The following MFSD6 variants were observed in gnomAD, a reference collection of about 807,000 sequenced individuals.
MFSD6 encodes the protein major facilitator superfamily domain-containing protein 6.
MFSD6 carries 26 observed loss-of-function variants against 56.3 expected under a neutral mutation model. That is an observed-to-expected ratio of 0.46 (90% CI 0.34 to 0.64). The LOEUF (loss-of-function observed/expected upper bound fraction) is 0.64, where lower values mean the gene tolerates loss of function less well. Ranked by LOEUF, MFSD6 falls within the 30% of genes least tolerant of loss-of-function variation. The pLI, the probability that MFSD6 is intolerant of heterozygous loss-of-function variation, is 0.01. For synonymous variants in MFSD6, 331 were observed against 366.9 expected, an observed-to-expected ratio of 0.90 and a Z score of 1.12; for missense variants, 750 against 986.2, an observed-to-expected ratio of 0.76 and a Z score of 3.21.
chr2:190,441,753 C>A (rs1023505684), intron 3 of MFSD6, among the ~76,000 whole-genome samples: 1 of 152,086 alleles, frequency 6.6e-6, no homozygotes, highest in African/African-American at 2.4e-5. Flanking sequence ...CCTCTGTGAG[C>A]TGCTGCGTCT....
rs565318228 is a variant in MFSD6 at position 190,496,841 on chromosome 2, A to G, written c.1892-598A>G. ...AACCAAACATCGTATATTCTCACTC[A>G]TAAGTGGGAGCTAGGCTATGAGGAT... On this transcript the variant is annotated intron_variant, in intron 6 of 7. Coordinates refer to ENST00000392328, the MANE Select transcript of MFSD6 (RefSeq NM_017694.4). This position sits in a 1 kb window ranked among gnomAD's most constrained non-coding sequence, Gnocchi z 4.7. 4.3e-4 allele frequency among the ~76,000 whole-genome samples: 66 copies of G among 152,360 alleles called. No homozygotes were observed. Among genetic ancestry groups the G allele is most frequent in the Admixed American group, 9.8e-4 (15 of 15,308 alleles).
intron 3 of MFSD6, among the ~76,000 whole-genome samples, chr2:190,440,310 A>AAC (rs1380374947): frequency 6.6e-6 from 1 of 152,196 alleles, no homozygotes; most frequent in Non-Finnish European, 1.5e-5. Context: ...TGTCAGTCTA[A>AAC]ACACACACAC....
Position 190,438,550 on chromosome 2 carries a change from C to G in MFSD6, c.1532+989C>G, listed in dbSNP as rs1157905485. On this transcript the variant is annotated intron_variant, in intron 3 of 7. Coordinates refer to ENST00000392328, the MANE Select transcript of MFSD6 (RefSeq NM_017694.4). The surrounding 1 kb of genome is among the most constrained non-coding windows in gnomAD (Gnocchi z 5.2). ...AACACCCTGTAAGTGCCTAGTGTTT[C>G]TTGTTGTGTACTATTTCTTCTCACC... 6.6e-6 allele frequency among the ~76,000 whole-genome samples: 1 copy of G among 152,192 alleles called. No individual in the cohort carries two copies. Among genetic ancestry groups the G allele is most frequent in the Non-Finnish European group, 1.5e-5 (1 of 68,040 alleles).
intron 4 of MFSD6, chr2:190,477,323 C>A (rs1320137052): frequency 1.0e-6 from 1 of 984,484 alleles, no homozygotes; most frequent in Admixed American, 6.2e-5. Flanking sequence ...CCTGACCTGG[C>A]TTAATTGCTT....
rs760067813 is a variant in MFSD6, at chr2:190,501,045, T to C, written c.*827T>C. On this transcript the variant is annotated 3_prime_UTR_variant, in exon 8 of 8. Coordinates refer to ENST00000392328, the MANE Select transcript of MFSD6 (RefSeq NM_017694.4). ...AAATATATTGATACTGTAAATAGCC[T>C]CTCTCGCTATTTACTATCTTATAGT... 1 of 152,206 alleles carries C rather than the reference T, an allele frequency of 6.6e-6. No homozygotes were observed. Among genetic ancestry groups the C allele is most frequent in the Non-Finnish European group, 1.5e-5 (1 of 68,040 alleles). The allele number at this position is 152,206 out of a possible 1,614,324, so 9.4% of individuals were successfully genotyped here.
chr2:190,463,117 G>A lies in MFSD6; in HGVS notation c.1533-6641G>A, dbSNP rs1337182448. Among the ~76,000 whole-genome samples the A allele has an allele frequency of 6.6e-6, 1 of 152,216 alleles. No homozygotes were observed. Among genetic ancestry groups the A allele is most frequent in the African/African-American group, 2.4e-5 (1 of 41,454 alleles). Reference sequence around the variant, plus strand: ...TACAGCAAAACCCTATTCTGCTAGTGAGGGACACAGAAATCCTGGCAAGAT... The same window carrying A: ...TACAGCAAAACCCTATTCTGCTAGTAAGGGACACAGAAATCCTGGCAAGAT... On this transcript the variant is annotated intron_variant, in intron 3 of 7. Coordinates refer to ENST00000392328, the MANE Select transcript of MFSD6 (RefSeq NM_017694.4). This position sits in a 1 kb window ranked among gnomAD's most constrained non-coding sequence, Gnocchi z 4.4.
chr2:190,444,307 C>G (rs888546351), intron 3 of MFSD6, among the ~76,000 whole-genome samples: 2 of 152,208 alleles, frequency 1.3e-5, no homozygotes, highest in African/African-American at 4.8e-5. Flanking sequence ...TATGAGTATT[C>G]TTGGTCATGG....
Position 190,489,928 on chromosome 2 carries a change from G to GC in MFSD6, c.1891+66dup, listed in dbSNP as rs869132558. ...TTCAGGCCATGGGAAGTCAACAAATGCCCCGAGAAGCCTAGAAGTGGTACA... is the reference window on the plus strand; with the variant it reads ...TTCAGGCCATGGGAAGTCAACAAATGCCCCCGAGAAGCCTAGAAGTGGTACA... On this transcript the variant is annotated intron_variant, in intron 6 of 7. Transcript: ENST00000392328. The surrounding 1 kb of genome is among the most constrained non-coding windows in gnomAD (Gnocchi z 6.6). The GC allele has an allele frequency of 2.3e-6, 3 of 1,319,000 alleles. No individual in the cohort carries two copies. The highest frequency in any genetic ancestry group is 3.0e-6 in the Non-Finnish European group (3 of 984,780). 81.7% of individuals were successfully genotyped at this position (1,319,000 alleles called of 1,614,324 possible). A position where few individuals can be genotyped will look rare whatever the true frequency, so the allele number is the denominator to read the frequency against.
At chr2:190,473,775 C>A (rs1265695095) in intron 4 of MFSD6, among the ~76,000 whole-genome samples, 2 of 152,186 alleles carry the variant, frequency 1.3e-5, no homozygotes. Flanking sequence ...ACATTCTTTT[C>A]AGCACCACAC....
chr2:190,484,054 T>G (rs1247367240), intron 4 of MFSD6, among the ~76,000 whole-genome samples: 1 of 152,118 alleles, frequency 6.6e-6, no homozygotes. Flanking sequence ...GTGGACTACT[T>G]GGTCTCTGAG....
At chr2:190,479,406 C>T (rs6707773) in intron 4 of MFSD6, among the ~76,000 whole-genome samples, 45,316 of 151,994 alleles carry the variant, frequency 0.3, 7,510 homozygotes, top group East Asian at 0.46. Flanking sequence ...AGGGAGTCTA[C>T]GTGCCTAAAA....
chr2:190,488,278 AAAC>A lies in MFSD6; in HGVS notation c.1631-373_1631-371del, dbSNP rs1689132875. On this transcript the variant is annotated intron_variant, in intron 4 of 7. Coordinates refer to ENST00000392328, the MANE Select transcript of MFSD6 (RefSeq NM_017694.4). This position sits in a 1 kb window ranked among gnomAD's most constrained non-coding sequence, Gnocchi z 6.4. ...CAGCATTAATCAAAGTAGCAGAAGG[AAAC>A]AACAAATGTCTATTCACAGATGAAA... Among the ~76,000 whole-genome samples the A allele has an allele frequency of 6.6e-6, 1 of 152,252 alleles. No individual in the cohort carries two copies. Among genetic ancestry groups the A allele is most frequent in the Non-Finnish European group, 1.5e-5 (1 of 68,044 alleles).
Position 190,443,767 on chromosome 2 carries a change from AT to A in MFSD6, c.1532+6208del, listed in dbSNP as rs1397947871. 2.0e-5 allele frequency among the ~76,000 whole-genome samples: 3 copies of A among 152,318 alleles called. No individual in the cohort carries two copies. The highest frequency in any genetic ancestry group is 4.1e-4 in the South Asian group (2 of 4,828). On this transcript the variant is annotated intron_variant, in intron 3 of 7. Coordinates refer to ENST00000392328, the MANE Select transcript of MFSD6 (RefSeq NM_017694.4). This position sits in a 1 kb window ranked among gnomAD's most constrained non-coding sequence, Gnocchi z 4.2. ...ATAAACAAAGGTTGTCTTCTTAAAG[AT>A]TAGTCTAGTCTGGGTGTGGCTCACA...
chr2:190,493,882 T>A (rs1260306479), intron 6 of MFSD6, among the ~76,000 whole-genome samples: 2 of 152,030 alleles, frequency 1.3e-5, no homozygotes, highest in African/African-American at 4.8e-5. Flanking sequence ...AGGGGAAAGG[T>A]CATAGCCTAA....
chr2:190,419,972 A>AACCT (rs1250796531), intron 2 of MFSD6, among the ~76,000 whole-genome samples: 1 of 152,256 alleles, frequency 6.6e-6, no homozygotes, highest in Non-Finnish European at 1.5e-5. Context: ...ATGAACTGCA[A>AACCT]ACCTGCACTA....
At chr2:190,419,522 A>G (rs969291595) in intron 2 of MFSD6, among the ~76,000 whole-genome samples, 4 of 152,328 alleles carry the variant, frequency 2.6e-5, no homozygotes, top group African/African-American at 9.6e-5. Context: ...TCCAGGGACT[A>G]TTTCCTCTCC....
rs1685769285 is a variant in MFSD6, at chr2:190,425,836, T to TCCAA, written c.-53-10141_-53-10140insCCAA. Among the ~76,000 whole-genome samples the TCCAA allele has an allele frequency of 6.6e-6, 1 of 152,210 alleles. No homozygotes were observed. The highest frequency in any genetic ancestry group is 1.5e-5 in the Non-Finnish European group (1 of 68,032). On this transcript the variant is annotated intron_variant, in intron 2 of 7. Coordinates refer to ENST00000392328, the MANE Select transcript of MFSD6 (RefSeq NM_017694.4). The surrounding 1 kb of genome is among the most constrained non-coding windows in gnomAD (Gnocchi z 4.3). ...TTTTTGGACAGTCTTTTTTTCTGGA[T>TCCAA]ATAGCATTCTGCATTGACAATTCTT...
rs374865478 is a variant in MFSD6, at chr2:190,457,236, C to T, written c.1533-12522C>T. ...GGGACCTTGACTTCCACTGGCCAAC[C>T]GACTTTGTGGCCCCGGTCCACCCCT... On this transcript the variant is annotated intron_variant, in intron 3 of 7. Coordinates refer to ENST00000392328, the MANE Select transcript of MFSD6 (RefSeq NM_017694.4). This position sits in a 1 kb window ranked among gnomAD's most constrained non-coding sequence, Gnocchi z 5.1. Among the ~76,000 whole-genome samples, 10 of 152,184 alleles carry T rather than the reference C, an allele frequency of 6.6e-5. No homozygotes were observed. In the South Asian group the frequency reaches 8.3e-4, roughly 13 times the overall value.
rs528283110 is a variant in MFSD6 at position 190,415,982 on chromosome 2, G to A, written c.-54+569G>A. ...TTAGAATAGCTCTGTAATGTGAACT[G>A]TTACTTTTTCCTCCCGCTGGGCTTG... On this transcript the variant is annotated intron_variant, in intron 2 of 7. Coordinates refer to ENST00000392328, the MANE Select transcript of MFSD6 (RefSeq NM_017694.4). This position sits in a 1 kb window ranked among gnomAD's most constrained non-coding sequence, Gnocchi z 4.5. Among the ~76,000 whole-genome samples, 27 of 152,114 alleles carry A rather than the reference G, an allele frequency of 1.8e-4. No individual in the cohort carries two copies. The highest frequency in any genetic ancestry group is 3.5e-4 in the Non-Finnish European group (24 of 68,016).
Sources: allele counts gnomAD v4.1 joint callset (sites outside exome capture counted in the v4.1 genomes callset), GRCh38; gene constraint gnomAD v4.1.1; non-coding constraint Gnocchi (gnomAD v3.1); transcripts MANE v1.5; gene names NCBI Gene and HGNC (gene_info 2026-07-23, HGNC 2026-07-21).